CDH4: variants seen among roughly 807,000 people sequenced by gnomAD.
CDH4 encodes cadherin 4.
A neutral mutation model predicts 86.0 loss-of-function variants in CDH4; 33 were observed. The ratio of observed to expected loss-of-function variants is 0.38; its 90% confidence interval spans 0.29 to 0.51. CDH4 has a LOEUF of 0.51. Among genes scored for constraint, CDH4 ranks in the 20% least tolerant of loss-of-function variants. The pLI is 0.86. For missense variants in CDH4, 1,114 were observed against 1,307.4 expected (o/e 0.85, Z 2.28); for synonymous variants, 555 against 549.4 (o/e 1.01, Z -0.14).
chr20:61,663,989 G>T lies in CDH4; in HGVS notation c.170-79574G>T, dbSNP rs748173902. On this transcript the variant is annotated intron_variant, in intron 2 of 15. Coordinates refer to ENST00000614565, the MANE Select transcript of CDH4 (RefSeq NM_001794.5). This position sits in a 1 kb window ranked among gnomAD's most constrained non-coding sequence, Gnocchi z 5.0. ...GTCTGTGTGCCACCGGGACCCTTCC[G>T]TAGACATGCACCATGAAGACCAGGC... 1.3e-5 allele frequency among the ~76,000 whole-genome samples: 2 copies of T among 152,184 alleles called. No homozygotes were observed. The highest frequency in any genetic ancestry group is 2.9e-5 in the Non-Finnish European group (2 of 68,038).
intron 4 of CDH4, among the ~76,000 whole-genome samples, chr20:61,816,341 A>G (rs933619261): frequency 1.3e-5 from 2 of 152,252 alleles, no homozygotes; most frequent in African/African-American, 4.8e-5. Flanking sequence ...AAAAGGGGCC[A>G]TTCTGGTAGC....
chr20:61,500,551 C>T (rs2085693469), intron 2 of CDH4, among the ~76,000 whole-genome samples: 1 of 152,156 alleles, frequency 6.6e-6, no homozygotes. Flanking sequence ...ATTTGTTGTG[C>T]TGGGAAAACA....
chr20:61,596,919 T>C (rs78930253), intron 2 of CDH4, among the ~76,000 whole-genome samples: 4 of 152,140 alleles, frequency 2.6e-5, no homozygotes, highest in Non-Finnish European at 4.4e-5. Flanking sequence ...GTGAAACACA[T>C]TGACTCACAG....
intron 4 of CDH4, among the ~76,000 whole-genome samples, chr20:61,779,527 C>G (rs1196119516): frequency 6.6e-6 from 1 of 152,212 alleles, no homozygotes; most frequent in African/African-American, 2.4e-5. Context: ...TCAAGTCAGC[C>G]CCCTACACCG....
Position 61,350,063 on chromosome 20 carries a change from G to A in CDH4, c.169+95126G>A, listed in dbSNP as rs368144791. ...CGCCCTCCAGTGCCACAAGGCCAGC[G>A]GAATACCTCTGACCTTGCCTCTCCC... is the stretch of plus-strand genomic sequence containing the variant. On this transcript the variant is annotated intron_variant, in intron 2 of 15. Coordinates refer to ENST00000614565, the MANE Select transcript of CDH4 (RefSeq NM_001794.5). Among the ~76,000 whole-genome samples the A allele has an allele frequency of 1.2e-3, 181 of 151,960 alleles. 3 individuals carry two copies. The South Asian group carries it at 0.014, about 12-fold the overall frequency.
At chr20:61,855,366 A>C (rs1398200755) in intron 6 of CDH4, among the ~76,000 whole-genome samples, 1 of 152,190 alleles carries the variant, frequency 6.6e-6, no homozygotes, top group African/African-American at 2.4e-5. Flanking sequence ...TTTCACTGGA[A>C]CCATGGGCAG....
chr20:61,769,902 C>T (rs2088753897), intron 3 of CDH4, among the ~76,000 whole-genome samples: 1 of 152,156 alleles, frequency 6.6e-6, no homozygotes, highest in South Asian at 2.1e-4. Flanking sequence ...AGGTAGAGAC[C>T]AGCTCCCAGG....
rs1292712362 is a variant in CDH4, at chr20:61,393,534, T to A, written c.169+138597T>A. On this transcript the variant is annotated intron_variant, in intron 2 of 15. Coordinates refer to ENST00000614565, the MANE Select transcript of CDH4 (RefSeq NM_001794.5). This position sits in a 1 kb window ranked among gnomAD's most constrained non-coding sequence, Gnocchi z 4.3. Reference sequence around the variant, plus strand: ...GAATGACAGCCCAGAGTGGGGTCTTTATGGAGCAGGATCCTCACGTAGCCC... The same window carrying A: ...GAATGACAGCCCAGAGTGGGGTCTTAATGGAGCAGGATCCTCACGTAGCCC... Among the ~76,000 whole-genome samples the A allele has an allele frequency of 6.6e-6, 1 of 152,170 alleles. No individual in the cohort carries two copies. The highest frequency in any genetic ancestry group is 1.5e-5 in the Non-Finnish European group (1 of 68,016).
At chr20:61,780,534 C>T (rs1218666737) in intron 4 of CDH4, among the ~76,000 whole-genome samples, 1 of 152,234 alleles carries the variant, frequency 6.6e-6, no homozygotes, top group Non-Finnish European at 1.5e-5. Context: ...CTAGTGCCTA[C>T]CTCTGCTAGT....
intron 2 of CDH4, among the ~76,000 whole-genome samples, chr20:61,278,693 A>C (rs1471003800): frequency 1.3e-5 from 2 of 152,202 alleles, no homozygotes; most frequent in African/African-American, 4.8e-5. Context: ...GGACTTTGGG[A>C]GAGAAGGGGA....
chr20:61,717,472 G>C (rs533534974), intron 2 of CDH4: 1 of 115,360 alleles, frequency 8.7e-6, no homozygotes. Context: ...TTGGTTTTTT[G>C]TCGTTGTTTT....
intron 7 of CDH4, among the ~76,000 whole-genome samples, chr20:61,888,594 A>G (rs1425306160): frequency 1.3e-5 from 2 of 152,230 alleles, no homozygotes; most frequent in South Asian, 4.1e-4. Context: ...CTGGACACAC[A>G]TTGGTCCACA....
intron 8 of CDH4, among the ~76,000 whole-genome samples, chr20:61,897,947 GC>G (rs1332863097): frequency 5.3e-5 from 8 of 152,248 alleles, no homozygotes; most frequent in African/African-American, 1.9e-4. Context: ...GGTCAGGCCG[GC>G]GGGGTGACAT....
At chr20:61,653,472 G>A (rs998470009) in intron 2 of CDH4, among the ~76,000 whole-genome samples, 5 of 134,094 alleles carry the variant, frequency 3.7e-5, no homozygotes, top group African/African-American at 7.8e-5. Context: ...AGACGGGGTC[G>A]TGGCCGGGCA....
At chr20:61,610,487 C>T (rs901877115) in intron 2 of CDH4, among the ~76,000 whole-genome samples, 2 of 152,190 alleles carry the variant, frequency 1.3e-5, no homozygotes, top group Admixed American at 6.5e-5. Flanking sequence ...CTTCGAGACA[C>T]CTGCTTTCCT....
rs577796532 is a variant in CDH4 at position 61,681,563 on chromosome 20, C to T, written c.170-62000C>T. On this transcript the variant is annotated intron_variant, in intron 2 of 15. Coordinates refer to ENST00000614565, the MANE Select transcript of CDH4 (RefSeq NM_001794.5). The surrounding 1 kb of genome is among the most constrained non-coding windows in gnomAD (Gnocchi z 4.5). ...TCTGTTAGCTCCCGAACTCTTGTTC[C>T]AAGGGGTAGGAGAAAAAGGGGGCAT... Among the ~76,000 whole-genome samples the T allele has an allele frequency of 6.6e-6, 1 of 152,086 alleles. No individual in the cohort carries two copies. The highest frequency in any genetic ancestry group is 1.5e-5 in the Non-Finnish European group (1 of 68,016).
At chr20:61,740,642 C>T (rs1368723517) in intron 2 of CDH4, 1 of 152,246 alleles carries the variant, frequency 6.6e-6, no homozygotes, top group Non-Finnish European at 1.5e-5. Context: ...TGGGCCAGCA[C>T]CATTTGCGTA....
chr20:61,702,126 A>C (rs2087783162), intron 2 of CDH4, among the ~76,000 whole-genome samples: 1 of 152,210 alleles, frequency 6.6e-6, no homozygotes, highest in African/African-American at 2.4e-5. Flanking sequence ...CGGTCCCTTC[A>C]GCTCTGTTGA....
chr20:61,832,736 C>G (rs1485179991), intron 4 of CDH4, among the ~76,000 whole-genome samples: 1 of 152,108 alleles, frequency 6.6e-6, no homozygotes, highest in African/African-American at 2.4e-5. Flanking sequence ...CTCTCAACAC[C>G]TGGGTATTAC....
Sources: allele counts gnomAD v4.1 joint callset (sites outside exome capture counted in the v4.1 genomes callset), GRCh38; gene constraint gnomAD v4.1.1; non-coding constraint Gnocchi (gnomAD v3.1); transcripts MANE v1.5; gene names NCBI Gene and HGNC (gene_info 2026-07-23, HGNC 2026-07-21).